Variants in SKOR2 observed in about 807,000 individuals in gnomAD.
SKOR2 encodes SKI family transcriptional corepressor 2.
SKOR2 carries 47 observed loss-of-function variants against 69.1 expected under a neutral mutation model. The observed-to-expected ratio is 0.68, with a 90% confidence interval of 0.54 to 0.87. The LOEUF (loss-of-function observed/expected upper bound fraction) is 0.87, where lower values mean the gene tolerates loss of function less well. SKOR2 is among the 40% of genes least tolerant of loss of function. The pLI is 0.00. For synonymous variants in SKOR2, 717 were observed against 672.6 expected (o/e 1.07, Z -1.02); for missense variants, 1,404 against 1,472.2 (o/e 0.95, Z 0.76).
intron 4 of SKOR2, among the ~76,000 whole-genome samples, chr18:47,236,529 T>A (rs535285888): frequency 6.6e-6 from 1 of 152,280 alleles, no homozygotes; most frequent in South Asian, 2.1e-4. Flanking sequence ...GTGGGGGGCT[T>A]TGGGAGGTGA....
chr18:47,232,838 C>A (rs1013264031), intron 4 of SKOR2, among the ~76,000 whole-genome samples: 4 of 152,178 alleles, frequency 2.6e-5, no homozygotes, highest in African/African-American at 9.7e-5. Flanking sequence ...TCAGCAAAAA[C>A]CAAAATGTAA....
At chr18:47,227,148 T>A (rs1014994292) in intron 6 of SKOR2, among the ~76,000 whole-genome samples, 3 of 151,684 alleles carry the variant, frequency 2.0e-5, no homozygotes, top group Non-Finnish European at 4.4e-5. Context: ...TTCTCCTCCA[T>A]CTTCCTCCTT....
intron 4 of SKOR2, among the ~76,000 whole-genome samples, chr18:47,234,279 T>C (rs1443339192): frequency 1.3e-5 from 2 of 152,130 alleles, no homozygotes; most frequent in Non-Finnish European, 2.9e-5. Context: ...AGTCTAATAC[T>C]AGATTAAATA....
In SKOR2 at chr18:47,247,587, G is replaced by T; in HGVS notation, c.1597C>A (p.Pro533Thr). Residue 533 changes from proline to threonine, a missense_variant, in exon 2 of 9, where the codon CCG becomes ACG. Transcript: ENST00000425639. The surrounding 1 kb of genome is among the most constrained non-coding windows in gnomAD (Gnocchi z 6.6). ...AEAAPPPGQP[P>T]QVVANGPGSG... ...CCCGGGCCGTTGGCCACTACCTGCG[G>T]GGGCTGCCCCGGCGGGGGCGCGGCC... 1 of 1,259,152 alleles carries T rather than the reference G, an allele frequency of 7.9e-7. No individual in the cohort carries two copies. The highest frequency in any genetic ancestry group is 2.9e-5 in the South Asian group (1 of 34,402). The allele number at this position is 1,259,152 out of a possible 1,614,324, so 78.0% of individuals were successfully genotyped here.
At chr18:47,233,202 A>G (rs1330687291) in intron 4 of SKOR2, among the ~76,000 whole-genome samples, 1 of 152,186 alleles carries the variant, frequency 6.6e-6, no homozygotes, top group East Asian at 1.9e-4. Flanking sequence ...TCCAGATCAG[A>G]TTCCTATAGC....
intron 8 of SKOR2, among the ~76,000 whole-genome samples, chr18:47,207,601 C>G (rs901724774): frequency 1.1e-4 from 17 of 152,080 alleles, no homozygotes; most frequent in African/African-American, 3.9e-4. Context: ...GGGGGCACAC[C>G]ATTATTCTCT....
chr18:47,234,000 A>G (rs2064210324), intron 4 of SKOR2, among the ~76,000 whole-genome samples: 1 of 152,214 alleles, frequency 6.6e-6, no homozygotes, highest in Non-Finnish European at 1.5e-5. Context: ...ATTTTGCTGC[A>G]TCTTCTGGGT....
chr18:47,230,495 G>A lies in SKOR2; in HGVS notation c.2881C>T (p.Gln961Ter). ...DLRRRLEQEF[Q>*]VLKGNTSFPV... ...AAAGATGTGTTTCCTTTTAACACCT[G>A]GAATTCTTGTTCCAGTCGTCTCCGT... Residue 961 changes from glutamine (Q) to a stop codon, truncating the protein, a stop_gained, in exon 6 of 9, where the codon CAG (glutamine) becomes TAG (stop). Transcript: ENST00000425639. LOFTEE classifies it high-confidence loss of function. The A allele has an allele frequency of 6.9e-7, 1 of 1,450,222 alleles. No homozygotes were observed. The allele number at this position is 1,450,222 out of a possible 1,614,324, so 89.8% of individuals were successfully genotyped here.
intron 4 of SKOR2, among the ~76,000 whole-genome samples, chr18:47,239,364 C>A (rs1488392290): frequency 6.6e-6 from 1 of 151,898 alleles, no homozygotes; most frequent in Non-Finnish European, 1.5e-5. Context: ...AAATCAATAT[C>A]ACTGGAAAGC....
Position 47,244,966 on chromosome 18 carries a change from A to G in SKOR2, c.2694T>C (p.His898=), listed in dbSNP as rs988074678. The G allele has an allele frequency of 7.8e-6, 12 of 1,535,550 alleles. No individual in the cohort carries two copies. Among genetic ancestry groups the G allele is most frequent in the East Asian group, 4.9e-5 (2 of 40,864 alleles). The change falls in exon 4 of 9, where the codon CAT becomes CAC. Residue 898 remains histidine (H), a synonymous_variant. Transcript: ENST00000425639. ...DNSFSDKNKE[H]SFFITDSDAS... is the part of the protein sequence containing the mutation. Reference sequence around the variant, plus strand: ...CATCAGAGTCTGTGATGAAAAAGCTATGCTCCTTGTTCTTATCTAGAACCA... The same window carrying G: ...CATCAGAGTCTGTGATGAAAAAGCTGTGCTCCTTGTTCTTATCTAGAACCA...
At chr18:47,213,393 A>G (rs1309819775) in intron 7 of SKOR2, among the ~76,000 whole-genome samples, 2 of 147,876 alleles carry the variant, frequency 1.4e-5, no homozygotes, top group Non-Finnish European at 3.0e-5. Flanking sequence ...ATATTTATAT[A>G]TATCATATAA....
At chr18:47,234,256 TA>T (rs11285386) in intron 4 of SKOR2, among the ~76,000 whole-genome samples, 5,388 of 150,954 alleles carry the variant, frequency 0.036, 285 homozygotes, top group African/African-American at 0.12. Context: ...TCCATCTGGT[TA>T]AAAAAAAAGG....
intron 6 of SKOR2, among the ~76,000 whole-genome samples, chr18:47,224,525 C>T (rs1168828381): frequency 6.6e-6 from 1 of 152,160 alleles, no homozygotes; most frequent in African/African-American, 2.4e-5. Context: ...ACATCTGGTT[C>T]ACCTGGAATG....
chr18:47,206,866 A>G lies in SKOR2; in HGVS notation c.*30T>C, dbSNP rs2064114750. The G allele has an allele frequency of 6.6e-6, 1 of 152,214 alleles. No homozygotes were observed. The highest frequency in any genetic ancestry group is 6.6e-5 in the Admixed American group (1 of 15,260). The allele number at this position is 152,214 out of a possible 1,614,324, so 9.4% of individuals were successfully genotyped here. On this transcript the variant is annotated 3_prime_UTR_variant, in exon 9 of 9. Transcript: ENST00000425639. ...TCCATGGCAGGCTGTATCTTACAAG[A>G]GAACAAGAGTAAGTAGTTCTGTGCA...
Position 47,247,882 on chromosome 18 carries a change from C to G in SKOR2, c.1302G>C (p.Leu434=), listed in dbSNP as rs1460187275. 1.5e-6 allele frequency: 2 copies of G among 1,362,310 alleles called. No individual in the cohort carries two copies. The allele number at this position is 1,362,310 out of a possible 1,614,324, so 84.4% of individuals were successfully genotyped here. ...KEDAGAAAEA[L]GGAGAGGAGA... Reference sequence around the variant, plus strand: ...CCGCGCCGCCTGCGCCCGCGCCCCCCAGGGCCTCAGCGGCGGCACCCGCAT... The same window carrying G: ...CCGCGCCGCCTGCGCCCGCGCCCCCGAGGGCCTCAGCGGCGGCACCCGCAT... The change falls in exon 2 of 9, where the codon CTG becomes CTC. Residue 434 remains leucine (L), a synonymous_variant. Transcript: ENST00000425639. The surrounding 1 kb of genome is among the most constrained non-coding windows in gnomAD (Gnocchi z 6.6).
At chr18:47,218,737 T>G (rs2064152008) in intron 7 of SKOR2, among the ~76,000 whole-genome samples, 1 of 152,192 alleles carries the variant, frequency 6.6e-6, no homozygotes, top group African/African-American at 2.4e-5. Flanking sequence ...GCAGTAATTA[T>G]AGCTCTTATT....
chr18:47,247,316 G>A lies in SKOR2; in HGVS notation c.1868C>T (p.Ala623Val). Reference protein sequence around the residue: ...AGGGSYHHSSAFRPVGGKDDA... With the variant: ...AGGGSYHHSSVFRPVGGKDDA... Reference sequence around the variant, plus strand: ...GTCCTTGCCGCCCACTGGCCGGAAGGCGCTGGAATGGTGGTAGCTGCCACC... The same window carrying A: ...GTCCTTGCCGCCCACTGGCCGGAAGACGCTGGAATGGTGGTAGCTGCCACC... Residue 623 changes from alanine to valine, a missense_variant, in exon 2 of 9, where the codon GCC (alanine) becomes GTC (valine). Ala to Val is a moderately conservative substitution (Grantham distance 64). Transcript: ENST00000425639. The surrounding 1 kb of genome is among the most constrained non-coding windows in gnomAD (Gnocchi z 6.6). 6.7e-7 allele frequency: 1 copy of A among 1,481,928 alleles called. No homozygotes were observed. The highest frequency in any genetic ancestry group is 1.5e-5 in the African/African-American group (1 of 68,668). The allele number at this position is 1,481,928 out of a possible 1,614,324, so 91.8% of individuals were successfully genotyped here.
At chr18:47,218,438 AAATT>A (rs2064150847) in intron 7 of SKOR2, among the ~76,000 whole-genome samples, 1 of 151,926 alleles carries the variant, frequency 6.6e-6, no homozygotes, top group East Asian at 1.9e-4. Context: ...AAAAATTAAA[AAATT>A]AATCGGGTGT....
chr18:47,251,381 C>A lies in SKOR2; in HGVS notation c.-55G>T, dbSNP rs1277858728. 6.6e-6 allele frequency: 1 copy of A among 152,254 alleles called. No homozygotes were observed. The highest frequency in any genetic ancestry group is 1.9e-4 in the East Asian group (1 of 5,174). The allele number at this position is 152,254 out of a possible 1,614,324, so 9.4% of individuals were successfully genotyped here. ...GGCCGGTTCCGGCAATACCTGGTAA[C>A]CTCTGGGTGTCTTTAGGCGTGTGGC... On this transcript the variant is annotated 5_prime_UTR_variant, in exon 1 of 9. Coordinates refer to ENST00000425639, the MANE Select transcript of SKOR2 (RefSeq NM_001278063.4).
Sources: allele counts gnomAD v4.1 joint callset (sites outside exome capture counted in the v4.1 genomes callset), GRCh38; gene constraint gnomAD v4.1.1; non-coding constraint Gnocchi (gnomAD v3.1); transcripts MANE v1.5; gene names NCBI Gene and HGNC (gene_info 2026-07-23, HGNC 2026-07-21).